DPYD: variants seen among roughly 807,000 people sequenced by gnomAD.
DPYD encodes dihydropyrimidine dehydrogenase, also known as dihydropyrimidine dehydrogenase [NADP(+)].
In DPYD, 109 loss-of-function variants were observed where a neutral mutation model predicts 116.2. That is an observed-to-expected ratio of 0.94 (90% confidence interval 0.80 to 1.10). DPYD has a LOEUF of 1.10. Ranked by LOEUF, DPYD falls within the 50% of genes least tolerant of loss-of-function variation. The probability of loss-of-function intolerance (pLI) is 0.00; values close to 1 mark genes in which losing one functional copy is unlikely to be tolerated. For synonymous variants in DPYD, 440 were observed against 432.0 expected, an observed-to-expected ratio of 1.02 and a Z score of -0.23; for missense variants, 1,302 against 1,254.5, an observed-to-expected ratio of 1.04 and a Z score of -0.57.
At chr1:97,204,255 G>C (rs767523687) in intron 19 of DPYD, among the ~76,000 whole-genome samples, 1 of 151,996 alleles carries the variant, frequency 6.6e-6, no homozygotes, top group Non-Finnish European at 1.5e-5. Flanking sequence ...AAAAATAAAA[G>C]CTCACAAAGT....
At chr1:97,802,800 A>C (rs1254615012) in intron 3 of DPYD, among the ~76,000 whole-genome samples, 1 of 151,852 alleles carries the variant, frequency 6.6e-6, no homozygotes, top group South Asian at 2.1e-4. Flanking sequence ...ATAGTCCAAG[A>C]TGTTGTCCTG....
At chr1:97,188,562 A>G (rs1377382489) in intron 20 of DPYD, among the ~76,000 whole-genome samples, 1 of 152,208 alleles carries the variant, frequency 6.6e-6, no homozygotes, top group East Asian at 1.9e-4. Flanking sequence ...ACAATTAAAG[A>G]AAATGCAGTA....
intron 2 of DPYD, among the ~76,000 whole-genome samples, chr1:97,837,055 C>A (rs1179839254): frequency 6.6e-6 from 1 of 152,058 alleles, no homozygotes; most frequent in Admixed American, 6.6e-5. Flanking sequence ...TTTTAAGTCA[C>A]AAAAGATAAA....
At chr1:97,278,943 T>C (rs1570412173) in intron 18 of DPYD, among the ~76,000 whole-genome samples, 1 of 152,268 alleles carries the variant, frequency 6.6e-6, no homozygotes, top group East Asian at 1.9e-4. Context: ...CCACAGCTCT[T>C]TGCAGACACT....
chr1:97,364,386 A>C (rs188671602), intron 16 of DPYD, among the ~76,000 whole-genome samples: 1 of 152,322 alleles, frequency 6.6e-6, no homozygotes, highest in East Asian at 1.9e-4. Context: ...CCCAGTAGCA[A>C]CAAATAGGGA....
At chr1:97,268,760 C>T (rs147240940) in intron 18 of DPYD, among the ~76,000 whole-genome samples, 20 of 152,254 alleles carry the variant, frequency 1.3e-4, no homozygotes, top group African/African-American at 4.6e-4. Context: ...CTTCAATGTC[C>T]TACCTAACTT....
At chr1:97,258,065 G>A (rs775410384) in intron 18 of DPYD, among the ~76,000 whole-genome samples, 1 of 152,036 alleles carries the variant, frequency 6.6e-6, no homozygotes, top group Non-Finnish European at 1.5e-5. Flanking sequence ...AAAGGATACA[G>A]ATCTGGCTGG....
At chr1:97,777,775 T>G (rs1666497679) in intron 3 of DPYD, among the ~76,000 whole-genome samples, 1 of 152,128 alleles carries the variant, frequency 6.6e-6, no homozygotes, top group Non-Finnish European at 1.5e-5. Context: ...CTAGCTTGAC[T>G]GTGTGGTGAA....
At chr1:97,311,145 A>G (rs980475195) in intron 16 of DPYD, among the ~76,000 whole-genome samples, 1 of 151,748 alleles carries the variant, frequency 6.6e-6, no homozygotes, top group South Asian at 2.1e-4. Flanking sequence ...GAAATGTTCC[A>G]TTTTCTTTAA....
intron 4 of DPYD, among the ~76,000 whole-genome samples, chr1:97,723,821 T>C (rs1335846089): frequency 1.3e-5 from 2 of 151,660 alleles, no homozygotes; most frequent in Non-Finnish European, 3.0e-5. Context: ...AAAGATTATA[T>C]TTACCTCATT....
rs772853110 is a variant in DPYD, at chr1:97,305,275, T to C, written c.2283A>G (p.Thr761=). 1.2e-5 allele frequency: 19 copies of C among 1,612,270 alleles called. No individual in the cohort carries two copies. The East Asian group carries it at 3.1e-4, about 27-fold the overall frequency. The change falls in exon 18 of 23, where the codon ACA becomes ACG. Residue 761 remains threonine, a synonymous_variant. Transcript: ENST00000370192. ...WPAVGIAKRT[T]YGGVSGTAIR... ...AACACCTACCAGACACTCCTCCATA[T>C]GTAGTTCGCTTTGCAATCCCCACTG...
At chr1:97,582,010 T>C (rs1236621384) in intron 10 of DPYD, among the ~76,000 whole-genome samples, 1 of 152,198 alleles carries the variant, frequency 6.6e-6, no homozygotes, top group Non-Finnish European at 1.5e-5. Context: ...CATTTATAAG[T>C]GGAAGAGTCC....
At chr1:97,160,532 T>G (rs1333571253) in intron 20 of DPYD, among the ~76,000 whole-genome samples, 1 of 152,088 alleles carries the variant, frequency 6.6e-6, no homozygotes, top group African/African-American at 2.4e-5. Context: ...TGATGAGAGA[T>G]AAGCAACTCT....
At chr1:97,173,394 A>G (rs1656989898) in intron 20 of DPYD, among the ~76,000 whole-genome samples, 1 of 150,110 alleles carries the variant, frequency 6.7e-6, no homozygotes, top group South Asian at 2.2e-4. Context: ...ACGTACATAT[A>G]TGTGTGTATA....
At position 97,734,237 on chromosome 1, in the gene DPYD, T is replaced by C. The variant is rs139698296; in HGVS notation, c.321+6155A>G. Among the ~76,000 whole-genome samples the C allele has an allele frequency of 1.1e-4, 16 of 152,258 alleles. No homozygotes were observed. The East Asian group carries it at 2.9e-3, about 28-fold the overall frequency. ...GAAAAGAATTCTAGGAGATAACCTA[T>C]GAAAGATTCTAAAAGTAAAGTCAAA... On this transcript the variant is annotated intron_variant, in intron 4 of 22. Transcript: ENST00000370192.
intron 8 of DPYD, among the ~76,000 whole-genome samples, chr1:97,642,887 T>G (rs1282748988): frequency 6.8e-6 from 1 of 147,568 alleles, no homozygotes; most frequent in East Asian, 1.9e-4. Flanking sequence ...ATAATAATAA[T>G]AAAATTAAAT....
At position 97,827,056 on chromosome 1, in the gene DPYD, A is replaced by C. The variant is rs1669275799; in HGVS notation, c.233+1058T>G. Among the ~76,000 whole-genome samples the C allele has an allele frequency of 2.6e-5, 4 of 152,218 alleles. No homozygotes were observed. The South Asian group carries it at 8.3e-4, about 32-fold the overall frequency. The stretch of plus-strand genomic sequence containing the variant: ...TTCAAAATGAGGGCAGCTTCTATTA[A>C]ATTTAATTACTTTCTCCTGCTGCTT... On this transcript the variant is annotated intron_variant, in intron 3 of 22. Transcript: ENST00000370192.
At chr1:97,426,908 A>G in intron 14 of DPYD, among the ~76,000 whole-genome samples, 1 of 152,100 alleles carries the variant, frequency 6.6e-6, no homozygotes, top group Non-Finnish European at 1.5e-5. Flanking sequence ...CATGATTTTT[A>G]TAATGTCTTT....
intron 13 of DPYD, among the ~76,000 whole-genome samples, chr1:97,483,210 C>A (rs79156814): frequency 0.011 from 1,734 of 152,314 alleles, 13 homozygotes; most frequent in Non-Finnish European, 0.017. Context: ...AGGTATACTG[C>A]ATACCTCTTA....
Sources: allele counts gnomAD v4.1 joint callset (sites outside exome capture counted in the v4.1 genomes callset), GRCh38; gene constraint gnomAD v4.1.1; transcripts MANE v1.5; gene names NCBI Gene and HGNC (gene_info 2026-07-23, HGNC 2026-07-21).